The following PRKG1 variants were observed in gnomAD, a reference collection of about 807,000 sequenced individuals.
PRKG1 encodes cGMP-dependent protein kinase 1.
Under a neutral mutation model 88.1 loss-of-function variants are expected in PRKG1, and 35 were observed. The ratio of observed to expected loss-of-function variants is 0.40; its 90% CI spans 0.30 to 0.53. PRKG1 has a LOEUF of 0.53. PRKG1 is among the 20% of genes least tolerant of loss of function. The pLI, the probability that PRKG1 is intolerant of heterozygous loss-of-function variation, is 0.59. For synonymous variants in PRKG1, 303 were observed against 292.5 expected, an observed-to-expected ratio of 1.04 and a Z score of -0.37; for missense variants, 540 against 839.8, an observed-to-expected ratio of 0.64 and a Z score of 4.41.
At chr10:51,491,308 C>T (rs1395464881) in intron 3 of PRKG1, among the ~76,000 whole-genome samples, 2 of 152,094 alleles carry the variant, frequency 1.3e-5, no homozygotes, top group African/African-American at 4.8e-5. Context: ...AGATACACTA[C>T]TGTCAGACCT....
chr10:51,196,317 T>C (rs1367938251), intron 2 of PRKG1, among the ~76,000 whole-genome samples: 1 of 152,224 alleles, frequency 6.6e-6, no homozygotes, highest in Non-Finnish European at 1.5e-5. Context: ...ATGAATTAGA[T>C]TTATTTTTAT....
chr10:51,439,034 C>A (rs570601967), intron 2 of PRKG1, among the ~76,000 whole-genome samples: 3 of 151,318 alleles, frequency 2.0e-5, no homozygotes, highest in African/African-American at 7.3e-5. Flanking sequence ...GAAACCAATC[C>A]AACTGGTAGT....
chr10:51,667,455 T>C (rs993247727), intron 3 of PRKG1, among the ~76,000 whole-genome samples: 2 of 152,208 alleles, frequency 1.3e-5, no homozygotes, highest in African/African-American at 4.8e-5. Context: ...TTGTCAATTG[T>C]AATAGTGTTA....
rs181371811 is a variant in PRKG1, at chr10:51,684,994, G to A, written c.593-119591G>A. On this transcript the variant is annotated intron_variant, in intron 3 of 17. Transcript: ENST00000373980. Reference sequence around the variant, plus strand: ...TCCTAAAACCCAAGTCTAGTACTTGGTTCTTGGGAGAAAAAACAACAAGAA... The same window carrying A: ...TCCTAAAACCCAAGTCTAGTACTTGATTCTTGGGAGAAAAAACAACAAGAA... Among the ~76,000 whole-genome samples, 190 of 152,144 alleles carry A rather than the reference G, an allele frequency of 1.2e-3. 1 individual carries two copies. Among genetic ancestry groups the A allele is most frequent in the African/African-American group, 4.5e-3 (186 of 41,492 alleles).
chr10:51,384,569 C>T (rs1464644443), intron 2 of PRKG1, among the ~76,000 whole-genome samples: 2 of 152,152 alleles, frequency 1.3e-5, no homozygotes, highest in African/African-American at 4.8e-5. Flanking sequence ...TTCACTTCTA[C>T]AATTTTTACT....
chr10:52,027,947 C>T (rs1387429735), intron 5 of PRKG1, among the ~76,000 whole-genome samples: 4 of 152,126 alleles, frequency 2.6e-5, no homozygotes, highest in Non-Finnish European at 4.4e-5. Context: ...TGCCACCACG[C>T]CCAGCTAATT....
upstream of PRKG1, among the ~76,000 whole-genome samples, chr10:51,072,726 C>T (rs888530040): frequency 6.6e-6 from 1 of 152,054 alleles, no homozygotes; most frequent in Admixed American, 6.6e-5. Flanking sequence ...TCATAATCTA[C>T]ATAAAAGAAT....
chr10:51,317,236 C>CAT (rs34772205), intron 2 of PRKG1, among the ~76,000 whole-genome samples: 45,868 of 151,952 alleles, frequency 0.3, 8,558 homozygotes, highest in African/African-American at 0.54. Flanking sequence ...ACATGGTTTA[C>CAT]GTGTTTAGTT....
At chr10:52,012,328 A>C (rs1589516098) in intron 5 of PRKG1, among the ~76,000 whole-genome samples, 1 of 147,008 alleles carries the variant, frequency 6.8e-6, no homozygotes, top group African/African-American at 2.6e-5. Context: ...TGCAACCTCC[A>C]CCTCCCGGGT....
intron 4 of PRKG1, among the ~76,000 whole-genome samples, chr10:51,886,352 G>T (rs1841568643): frequency 6.6e-6 from 1 of 151,718 alleles, no homozygotes; most frequent in Admixed American, 6.6e-5. Flanking sequence ...ATCATCATTG[G>T]CACTTAATGT....
intron 3 of PRKG1, among the ~76,000 whole-genome samples, chr10:51,530,421 C>G (rs1841989679): frequency 6.6e-6 from 1 of 152,096 alleles, no homozygotes; most frequent in African/African-American, 2.4e-5. Flanking sequence ...CTCGGGTGGG[C>G]AAACATAGTG....
chr10:51,884,660 G>T (rs1287720489), intron 4 of PRKG1, among the ~76,000 whole-genome samples: 1 of 152,066 alleles, frequency 6.6e-6, no homozygotes, highest in Admixed American at 6.5e-5. Flanking sequence ...ACACTGAAAT[G>T]TCCAAGGTGG....
At chr10:51,884,453 A>AC (rs1400475595) in intron 4 of PRKG1, among the ~76,000 whole-genome samples, 64 of 144,622 alleles carry the variant, frequency 4.4e-4, no homozygotes, top group Non-Finnish European at 7.7e-4. Context: ...TCAAAAAAAA[A>AC]AAAAAAAAAA....
intron 3 of PRKG1, among the ~76,000 whole-genome samples, chr10:51,717,140 G>A (rs1379452127): frequency 6.6e-6 from 1 of 152,208 alleles, no homozygotes; most frequent in East Asian, 1.9e-4. Flanking sequence ...CCCTCAGGTC[G>A]ACGTACCCAG....
intron 3 of PRKG1, among the ~76,000 whole-genome samples, chr10:51,557,105 C>A (rs1316002207): frequency 1.3e-5 from 2 of 151,932 alleles, no homozygotes; most frequent in Admixed American, 6.6e-5. Context: ...TGCTTCTATT[C>A]TCTTTCTTCC....
intron 3 of PRKG1, among the ~76,000 whole-genome samples, chr10:51,592,704 C>T (rs187939177): frequency 1.8e-3 from 269 of 152,254 alleles, no homozygotes; most frequent in Middle Eastern, 6.8e-3. Context: ...CTAATCAGTG[C>T]ACATTCTGGC....
chr10:52,141,590 A>G (rs557009088), intron 8 of PRKG1, among the ~76,000 whole-genome samples: 1 of 152,138 alleles, frequency 6.6e-6, no homozygotes, highest in African/African-American at 2.4e-5. Context: ...CATCTCTGTT[A>G]TATGGATAGT....
At chr10:51,176,895 G>A (rs1010919619) in intron 2 of PRKG1, among the ~76,000 whole-genome samples, 3 of 152,140 alleles carry the variant, frequency 2.0e-5, no homozygotes, top group Non-Finnish European at 4.4e-5. Flanking sequence ...TCTATAAAAT[G>A]TTATTGATAT....
chr10:52,220,401 A>C (rs140090619), intron 9 of PRKG1, among the ~76,000 whole-genome samples: 103 of 150,346 alleles, frequency 6.9e-4, no homozygotes, highest in African/African-American at 2.4e-3. Flanking sequence ...ATATCTGCAG[A>C]GATGACATCT....
Sources: allele counts gnomAD v4.1 joint callset (sites outside exome capture counted in the v4.1 genomes callset), GRCh38; gene constraint gnomAD v4.1.1; transcripts MANE v1.5; gene names NCBI Gene and HGNC (gene_info 2026-07-23, HGNC 2026-07-21).